Variants in MALRD1 observed in about 807,000 individuals in gnomAD.
MALRD1 encodes the protein MAM and LDL-receptor class A domain-containing protein 1.
In MALRD1, 247 loss-of-function variants were observed where a neutral mutation model predicts 242.1. The ratio of observed to expected loss-of-function variants is 1.02; its 90% CI spans 0.92 to 1.13. MALRD1 has a LOEUF of 1.13. MALRD1 is among the 50% of genes most tolerant of loss of function. The pLI is 0.00. For synonymous variants in MALRD1, 995 were observed against 866.6 expected, an observed-to-expected ratio of 1.15 and a Z score of -2.60; for missense variants, 2,989 against 2,533.1, an observed-to-expected ratio of 1.18 and a Z score of -3.86.
chr10:19,698,612 A>G (rs977825215), intron 38 of MALRD1, among the ~76,000 whole-genome samples: 8 of 152,204 alleles, frequency 5.3e-5, no homozygotes, highest in African/African-American at 1.7e-4. Flanking sequence ...GGAAGATACC[A>G]TCACCAGCAC....
chr10:19,579,168 T>C (rs1312722639), intron 33 of MALRD1, among the ~76,000 whole-genome samples: 1 of 152,206 alleles, frequency 6.6e-6, no homozygotes, highest in Non-Finnish European at 1.5e-5. Context: ...GAAGTTATGG[T>C]ATCACAGCCA....
At chr10:19,719,205 T>TTTACAC (rs1834589641) in intron 38 of MALRD1, among the ~76,000 whole-genome samples, 2 of 96,292 alleles carry the variant, frequency 2.1e-5, no homozygotes, top group Admixed American at 2.5e-4. Flanking sequence ...CATATATATA[T>TTTACAC]ATATATACAC....
At chr10:19,565,289 T>G (rs1589245778) in intron 32 of MALRD1, among the ~76,000 whole-genome samples, 1 of 152,134 alleles carries the variant, frequency 6.6e-6, no homozygotes, top group East Asian at 1.9e-4. Context: ...CATGTAGGAT[T>G]GAAGATTAAA....
intron 14 of MALRD1, among the ~76,000 whole-genome samples, chr10:19,196,811 G>GA (rs1836282828): frequency 6.6e-6 from 1 of 152,046 alleles, no homozygotes; most frequent in African/African-American, 2.4e-5. Context: ...TTAGGTTAAA[G>GA]ACTTTGAAAT....
In MALRD1 at chr10:19,209,244, G is replaced by A. The variant is rs1379492761; in HGVS notation, c.2579-24G>A. On this transcript the variant is annotated intron_variant, in intron 17 of 39. Coordinates refer to ENST00000454679, the MANE Select transcript of MALRD1 (RefSeq NM_001142308.3). ...GTATTTTTGTCCCTAATTATCTTTT[G>A]CTTTTATTTCATGTGAATTTCAGCA... is the stretch of plus-strand genomic sequence containing the variant. The A allele has an allele frequency of 5.4e-6, 8 of 1,479,584 alleles. No individual in the cohort carries two copies. In the Admixed American group the frequency reaches 1.9e-4, roughly 34 times the overall value. The allele number at this position is 1,479,584 out of a possible 1,614,324, so 91.7% of individuals were successfully genotyped here.
At chr10:19,113,851 A>ATGTGTAT (rs1836778834) in intron 5 of MALRD1, among the ~76,000 whole-genome samples, 1 of 151,620 alleles carries the variant, frequency 6.6e-6, no homozygotes, top group Admixed American at 6.6e-5. Flanking sequence ...ACACAGACAC[A>ATGTGTAT]TGTGTATTGA....
intron 31 of MALRD1, among the ~76,000 whole-genome samples, chr10:19,525,912 C>T (rs1379583747): frequency 6.6e-6 from 1 of 151,966 alleles, no homozygotes; most frequent in Non-Finnish European, 1.5e-5. Context: ...TAAAACAGTC[C>T]AAAATCAAAC....
At chr10:19,247,566 A>T (rs150206059) in intron 18 of MALRD1, among the ~76,000 whole-genome samples, 36 of 152,100 alleles carry the variant, frequency 2.4e-4, no homozygotes, top group African/African-American at 8.7e-4. Flanking sequence ...TATAATGTGC[A>T]CATTATGTCA....
chr10:19,344,737 A>G (rs1029132556), intron 24 of MALRD1, among the ~76,000 whole-genome samples: 1 of 150,698 alleles, frequency 6.6e-6, no homozygotes, highest in Non-Finnish European at 1.5e-5. Flanking sequence ...GGGGAGTCAT[A>G]TTTTTAATAT....
At chr10:19,595,892 G>A (rs968209091) in intron 34 of MALRD1, among the ~76,000 whole-genome samples, 3 of 152,144 alleles carry the variant, frequency 2.0e-5, no homozygotes, top group Admixed American at 2.0e-4. Context: ...GGTATGTATA[G>A]TTAAGGATTG....
At chr10:19,122,825 A>C (rs2131377794) in intron 5 of MALRD1, among the ~76,000 whole-genome samples, 1 of 152,204 alleles carries the variant, frequency 6.6e-6, no homozygotes, top group Non-Finnish European at 1.5e-5. Flanking sequence ...TCCTGAGTTC[A>C]AGCAATTCTC....
intron 32 of MALRD1, among the ~76,000 whole-genome samples, chr10:19,538,354 A>G (rs1369115836): frequency 6.6e-6 from 1 of 152,200 alleles, no homozygotes; most frequent in East Asian, 1.9e-4. Context: ...GAACAATGCT[A>G]ATTTGTACTT....
chr10:19,510,051 G>A (rs1177379374), intron 31 of MALRD1, among the ~76,000 whole-genome samples: 2 of 152,196 alleles, frequency 1.3e-5, no homozygotes, highest in Non-Finnish European at 1.5e-5. Flanking sequence ...ATAGTGGAGA[G>A]AGGGTCAGCA....
intron 18 of MALRD1, among the ~76,000 whole-genome samples, chr10:19,213,931 T>G (rs957643844): frequency 6.6e-6 from 1 of 152,206 alleles, no homozygotes; most frequent in Non-Finnish European, 1.5e-5. Flanking sequence ...AAGATCCTTC[T>G]GGGTATCCCT....
At position 19,165,242 on chromosome 10, in the gene MALRD1, AATATAT is replaced by A. The variant is rs57449195; in HGVS notation, c.1657-376_1657-371del. 8.7e-4 allele frequency among the ~76,000 whole-genome samples: 61 copies of A among 69,780 alleles called. 2 individuals are homozygous for A. In the South Asian group the frequency reaches 0.018, roughly 20 times the overall value. The allele number at this position is 69,780 out of a possible 152,430, so 45.8% of individuals were successfully genotyped here. On this transcript the variant is annotated intron_variant, in intron 12 of 39. Coordinates refer to ENST00000454679, the MANE Select transcript of MALRD1 (RefSeq NM_001142308.3). The stretch of plus-strand genomic sequence containing the variant: ...TATATTTAACACAGAAGTTGTTTGG[AATATAT>A]ATATATATATATATATATTTTGTTT...
At chr10:19,611,950 T>A (rs1838921063) in intron 35 of MALRD1, among the ~76,000 whole-genome samples, 1 of 152,162 alleles carries the variant, frequency 6.6e-6, no homozygotes, top group South Asian at 2.1e-4. Context: ...AAAATGCATA[T>A]TTAGATTCAC....
intron 24 of MALRD1, among the ~76,000 whole-genome samples, chr10:19,333,023 C>T (rs1284345801): frequency 1.3e-5 from 2 of 152,070 alleles, no homozygotes; most frequent in African/African-American, 4.8e-5. Context: ...GCCCCCTACC[C>T]TCTGACAGGC....
intron 4 of MALRD1, among the ~76,000 whole-genome samples, chr10:19,097,573 C>T (rs917660003): frequency 3.3e-5 from 5 of 152,072 alleles, no homozygotes; most frequent in African/African-American, 1.2e-4. Flanking sequence ...AAATGTAGTC[C>T]CCAATTCAGG....
intron 32 of MALRD1, among the ~76,000 whole-genome samples, chr10:19,567,277 C>T (rs888584059): frequency 9.2e-5 from 14 of 152,028 alleles, no homozygotes; most frequent in South Asian, 2.1e-4. Context: ...TCCAGTTTGA[C>T]GTACAGAAGT....
Sources: allele counts gnomAD v4.1 joint callset (sites outside exome capture counted in the v4.1 genomes callset), GRCh38; gene constraint gnomAD v4.1.1; transcripts MANE v1.5; gene names NCBI Gene and HGNC (gene_info 2026-07-23, HGNC 2026-07-21).